LAT: variants seen among roughly 807,000 people sequenced by gnomAD.
The protein encoded by LAT is linker for activation of T cells.
A neutral mutation model predicts 39.1 loss-of-function variants in LAT; 12 were observed. The observed-to-expected ratio is 0.31, with a 90% CI of 0.20 to 0.50. The LOEUF (loss-of-function observed/expected upper bound fraction) is 0.50. Ranked by LOEUF, LAT falls within the 20% of genes least tolerant of loss-of-function variation. The pLI is 0.98. For missense variants in LAT, 253 were observed against 308.0 expected (o/e 0.82, Z 1.34); for synonymous variants, 117 against 123.8 (o/e 0.95, Z 0.36).
In LAT at chr16:28,990,170, C is replaced by A; in HGVS notation, c.*8-19C>A. 1.4e-6 allele frequency: 1 copy of A among 733,962 alleles called. No homozygotes were observed. Among genetic ancestry groups the A allele is most frequent in the Non-Finnish European group, 2.4e-6 (1 of 413,716 alleles). 45.5% of individuals were successfully genotyped at this position (733,962 alleles called of 1,614,324 possible). A position where few individuals can be genotyped will look rare whatever the true frequency, so the allele number is the denominator to read the frequency against. ...TCAGCCTCCTGATCCGTATCCCTCC[C>A]TGCCCTGGTGTGTTTCAGTGGAGGC... On this transcript the variant is annotated intron_variant, in intron 11 of 11. Transcript: ENST00000395456.
chr16:28,988,951 C>G (rs914015666), intron 8 of LAT: 2 of 153,150 alleles, frequency 1.3e-5, no homozygotes, highest in Admixed American at 1.3e-4. Flanking sequence ...TGCGGTGAGC[C>G]GAGATTGCAC....
chr16:28,990,049 C>T, intron 11 of LAT, 30 bp downstream of exon 11: 1 of 1,569,656 alleles, frequency 6.4e-7, no homozygotes, highest in Non-Finnish European at 8.7e-7. Context: ...CCCACCCTGC[C>T]CTGGGCCCAC....
At position 28,985,444 on chromosome 16, in the gene LAT, C is replaced by T. The variant is rs780099847; in HGVS notation, c.27C>T (p.Cys9=). 2.9e-5 allele frequency: 46 copies of T among 1,613,636 alleles called. No individual in the cohort carries two copies. Among genetic ancestry groups the T allele is most frequent in the Admixed American group, 2.0e-4 (12 of 60,002 alleles). Residue 9 remains cysteine, a synonymous_variant, in exon 1 of 12, where the codon TGC becomes TGT. Transcript: ENST00000395456. The surrounding 1 kb of genome is among the most constrained non-coding windows in gnomAD (Gnocchi z 4.6). MEEAILVP[C]VLGLLLLPIL... ...TGGAGGAGGCCATCCTGGTCCCCTG[C>T]GTGCTGGGGCTCCTGCTGCTGCCCA...
chr16:28,987,293 C>T (rs1965781927), intron 8 of LAT, among the ~76,000 whole-genome samples: 1 of 152,130 alleles, frequency 6.6e-6, no homozygotes, highest in Admixed American at 6.6e-5. Flanking sequence ...ATTTCCTTGT[C>T]TGTATTCTTC....
chr16:28,985,219 T>A lies in LAT; in HGVS notation c.-199T>A, dbSNP rs1346417851. On this transcript the variant is annotated 5_prime_UTR_variant, in exon 1 of 12. Transcript: ENST00000395456. This position sits in a 1 kb window ranked among gnomAD's most constrained non-coding sequence, Gnocchi z 4.6. ...TTTCCACAGTCAGCTGGACGCACAC[T>A]CAGCCCAGTAAAAGAGGGGACCCAT... is the stretch of plus-strand genomic sequence containing the variant. 23 of 1,432,882 alleles carry A rather than the reference T, an allele frequency of 1.6e-5. No individual in the cohort carries two copies. In the South Asian group the frequency reaches 3.3e-4, roughly 21 times the overall value. 88.8% of individuals were successfully genotyped at this position (1,432,882 alleles called of 1,614,324 possible).
chr16:28,989,592 G>T lies in LAT; in HGVS notation c.556+3G>T, dbSNP rs1432867545. On this transcript the variant is annotated splice_donor_region_variant and intron_variant, in intron 9 of 11. Transcript: ENST00000395456. ...GGAGAGCGCAGAAGCGTCTCTGGGT[G>T]AGTGACCGGTGCTTGTCGGTGCCTG... 6.2e-7 allele frequency: 1 copy of T among 1,609,120 alleles called. No individual in the cohort carries two copies. Among genetic ancestry groups the T allele is most frequent in the Admixed American group, 1.7e-5 (1 of 59,536 alleles).
Position 28,985,512 on chromosome 16 carries a change from T to G in LAT, c.95T>G (p.Leu32Arg). 1.2e-6 allele frequency: 2 copies of G among 1,613,318 alleles called. No homozygotes were observed. The highest frequency in any genetic ancestry group is 1.7e-6 in the Non-Finnish European group (2 of 1,179,592). ...GCACTGTGTGTGCACTGCCACAGAC[T>G]GCCAGGTGAGTGGGAAACTGGTGGG... ...LMALCVHCHRLPGSYDSTSSD... is the reference protein window; with the variant it reads ...LMALCVHCHRRPGSYDSTSSD... Residue 32 changes from leucine to arginine, a missense_variant, in exon 1 of 12, where the codon CTG (leucine) becomes CGG (arginine). Physicochemically the swap from Leu to Arg is moderately radical, Grantham distance 102. Transcript: ENST00000395456. This position sits in a 1 kb window ranked among gnomAD's most constrained non-coding sequence, Gnocchi z 4.6.
chr16:28,990,106 T>G, intron 11 of LAT, 83 bp from the exon 12 acceptor site: 2 of 1,115,330 alleles, frequency 1.8e-6, no homozygotes, highest in Non-Finnish European at 2.6e-6. Flanking sequence ...ACCCTACCTC[T>G]GGCTTGTCCC....
intron 11 of LAT, 69 bp from the exon 12 acceptor site, chr16:28,990,120 G>C: frequency 2.0e-6 from 2 of 988,648 alleles, no homozygotes; most frequent in Non-Finnish European, 3.1e-6. Context: ...TTGTCCCTCT[G>C]TCTCTGGGTA....
chr16:28,989,291 C>T (rs1965822017), intron 8 of LAT: 4 of 516,084 alleles, frequency 7.8e-6, no homozygotes, highest in South Asian at 5.7e-5. Flanking sequence ...TGGACCTCCT[C>T]CCTCCCTCTC....
At chr16:28,989,620 C>T (rs760865296) in intron 9 of LAT, 31 bp downstream of exon 9, 7 of 1,598,178 alleles carry the variant, frequency 4.4e-6, no homozygotes, top group South Asian at 1.1e-5. Flanking sequence ...GGTGCCTGCC[C>T]CTGCACCCCG....
rs1262621189 is a variant in LAT, at chr16:28,986,545, A to G, written c.316A>G (p.Ser106Gly). The G allele has an allele frequency of 2.5e-6, 4 of 1,611,914 alleles. No homozygotes were observed. Among genetic ancestry groups the G allele is most frequent in the Admixed American group, 3.3e-5 (2 of 59,924 alleles). Residue 106 changes from serine to glycine, a missense_variant, in exon 6 of 12, where the codon AGT (serine) becomes GGT (glycine). Coordinates refer to ENST00000395456, the MANE Select transcript of LAT (RefSeq NM_001014987.2). The surrounding 1 kb of genome is among the most constrained non-coding windows in gnomAD (Gnocchi z 5.7). ...CTCTCACCCTCTCTTTGAAGCCAAC[A>G]GTGTGGCGAGCTACGAGAACGAGGG... ...SSRRDSDGAN[S>G]VASYENEEPA...
rs1965747369 is a variant in LAT, at chr16:28,986,228, C to G, written c.245+12C>G. 1.9e-6 allele frequency: 3 copies of G among 1,587,088 alleles called. No homozygotes were observed. The African/African-American group carries it at 4.0e-5, about 21-fold the overall frequency. The stretch of plus-strand genomic sequence containing the variant: ...CTGCTCCCCATCCCGTGAGTAGCTG[C>G]TCAGCCCCTGCCCCTCCAAAGCTCA... On this transcript the variant is annotated intron_variant, in intron 4 of 11. Coordinates refer to ENST00000395456, the MANE Select transcript of LAT (RefSeq NM_001014987.2). This position sits in a 1 kb window ranked among gnomAD's most constrained non-coding sequence, Gnocchi z 5.7.
intron 8 of LAT, 139 bp downstream of exon 8, chr16:28,987,032 C>A: frequency 1.4e-6 from 1 of 707,128 alleles, no homozygotes; most frequent in Non-Finnish European, 2.3e-6. Flanking sequence ...CTCAGCCTCC[C>A]AAGTAGCTGA....
At chr16:28,989,726 T>C in intron 9 of LAT, 48 bp from the exon 10 acceptor site, 12 of 1,608,450 alleles carry the variant, frequency 7.5e-6, no homozygotes, top group Non-Finnish European at 9.4e-6. Flanking sequence ...TCTCTCGCCC[T>C]CCTGACCCCT....
chr16:28,989,855 G>A lies in LAT; in HGVS notation c.622+16G>A. ...ACTGAGCCTGGTGTGTTCTGCGGGA[G>A]GGGCAGGAGCTGGGGTAGCTGCTTT... is the stretch of plus-strand genomic sequence containing the variant. On this transcript the variant is annotated intron_variant, in intron 10 of 11. Coordinates refer to ENST00000395456, the MANE Select transcript of LAT (RefSeq NM_001014987.2). 2 of 1,614,144 alleles carry A rather than the reference G, an allele frequency of 1.2e-6. No homozygotes were observed. Among genetic ancestry groups the A allele is most frequent in the Non-Finnish European group, 1.7e-6 (2 of 1,179,978 alleles).
At chr16:28,989,741 G>A (rs754490583) in intron 9 of LAT, 33 bp from the exon 10 acceptor site, 53 of 1,612,594 alleles carry the variant, frequency 3.3e-5, no homozygotes, top group South Asian at 8.8e-5. Context: ...ACCCCTTTGC[G>A]TGGCTGCCCC....
Position 28,985,276 on chromosome 16 carries a change from CCTCCCGGG to C in LAT, c.-136_-129del. ...AGCCCCGGGGAGGGCACAGCTGCCT[CCTCCCGGG>C]CTCCCCTGCCACCTGGTGCCTACCT... On this transcript the variant is annotated 5_prime_UTR_variant, in exon 1 of 12. Transcript: ENST00000395456. This position sits in a 1 kb window ranked among gnomAD's most constrained non-coding sequence, Gnocchi z 4.6. The C allele has an allele frequency of 6.8e-7, 1 of 1,461,676 alleles. No homozygotes were observed. The allele number at this position is 1,461,676 out of a possible 1,614,324, so 90.5% of individuals were successfully genotyped here.
chr16:28,990,104 T>A, intron 11 of LAT, 85 bp downstream of exon 11: 1 of 1,127,762 alleles, frequency 8.9e-7, no homozygotes, highest in Non-Finnish European at 1.3e-6. Context: ...CAACCCTACC[T>A]CTGGCTTGTC....
Sources: gnomAD v4.1 joint callset for allele counts (sites outside exome capture counted in the v4.1 genomes callset) on GRCh38, gnomAD v4.1.1 for gene constraint, Gnocchi (gnomAD v3.1) non-coding constraint, MANE v1.5 for transcripts, NCBI Gene and HGNC (gene_info 2026-07-23, HGNC 2026-07-21) for gene names.